Variants in TMEM132C observed in about 807,000 individuals in gnomAD.
TMEM132C encodes the protein protein phosphatase 1, regulatory subunit 152.
TMEM132C carries 29 observed loss-of-function variants against 61.4 expected under a neutral mutation model. The observed-to-expected ratio is 0.47, with a 90% CI of 0.35 to 0.64. TMEM132C has a LOEUF of 0.64. Among genes scored for constraint, TMEM132C ranks in the 30% least tolerant of loss-of-function variants. TMEM132C has a pLI of 0.00. For missense variants in TMEM132C, 1,408 were observed against 1,476.9 expected (o/e 0.95, Z 0.76); for synonymous variants, 656 against 633.1 (o/e 1.04, Z -0.54).
chr12:128,669,232 T>G (rs1282700918), intron 4 of TMEM132C, among the ~76,000 whole-genome samples, 185 bp from the exon 5 acceptor site: 3 of 152,242 alleles, frequency 2.0e-5, no homozygotes, highest in Non-Finnish European at 4.4e-5. Context: ...TAAACATTCT[T>G]GGTAAATTGT....
At position 128,553,950 on chromosome 12, in the gene TMEM132C, C is replaced by CCT. The variant is rs529644851; in HGVS notation, c.1121+9847_1121+9848insCT. On this transcript the variant is annotated intron_variant, in intron 3 of 8. Coordinates refer to ENST00000435159, the MANE Select transcript of TMEM132C (RefSeq NM_001136103.3). ...CTCCAGTCCCTCCTTGTTGCAGCTC[C>CCT]GGGGGTGTCTGTGCCCAGGACTGGT... Among the ~76,000 whole-genome samples, 38 of 152,254 alleles carry CCT rather than the reference C, an allele frequency of 2.5e-4. No homozygotes were observed. The South Asian group carries it at 5.2e-3, about 21-fold the overall frequency.
At chr12:128,596,984 T>A (rs1875987059) in intron 3 of TMEM132C, among the ~76,000 whole-genome samples, 1 of 152,214 alleles carries the variant, frequency 6.6e-6, no homozygotes, top group African/African-American at 2.4e-5. Flanking sequence ...CCATAATGGC[T>A]TTTCCAAAAC....
At chr12:128,601,452 G>C (rs1014915342) in intron 3 of TMEM132C, among the ~76,000 whole-genome samples, 1 of 152,190 alleles carries the variant, frequency 6.6e-6, no homozygotes, top group African/African-American at 2.4e-5. Flanking sequence ...GCTGCCATGG[G>C]ACTCATGACA....
intron 3 of TMEM132C, among the ~76,000 whole-genome samples, chr12:128,589,062 C>T (rs759491582): frequency 5.3e-5 from 8 of 152,134 alleles, no homozygotes; most frequent in East Asian, 3.9e-4. Context: ...GTATGACCAA[C>T]GACCACAGCC....
chr12:128,631,567 T>A (rs1413514148), intron 4 of TMEM132C, among the ~76,000 whole-genome samples: 2 of 152,238 alleles, frequency 1.3e-5, no homozygotes, highest in African/African-American at 4.8e-5. Flanking sequence ...GTGGAAGATT[T>A]TGAATTCCTG....
chr12:128,383,100 A>T (rs533800239), intron 1 of TMEM132C, among the ~76,000 whole-genome samples: 2 of 147,174 alleles, frequency 1.4e-5, no homozygotes, highest in Non-Finnish European at 3.1e-5. Context: ...ATCTGTGTGT[A>T]CATGTGTATA....
intron 2 of TMEM132C, among the ~76,000 whole-genome samples, chr12:128,535,780 A>G (rs1276263087): frequency 1.3e-5 from 2 of 152,116 alleles, no homozygotes; most frequent in Non-Finnish European, 2.9e-5. Flanking sequence ...AGGCAGGAGA[A>G]TGGCATGAAC....
chr12:128,438,439 A>G (rs567347025), intron 2 of TMEM132C, among the ~76,000 whole-genome samples: 2 of 152,022 alleles, frequency 1.3e-5, no homozygotes, highest in African/African-American at 4.8e-5. Flanking sequence ...CACCTTCCAC[A>G]TGCGTGGAAG....
chr12:128,465,616 G>A (rs1441447488), intron 2 of TMEM132C, among the ~76,000 whole-genome samples: 1 of 152,212 alleles, frequency 6.6e-6, no homozygotes, highest in Non-Finnish European at 1.5e-5. Context: ...TCCTAGGCAC[G>A]TGGTGAGGGC....
intron 7 of TMEM132C, 106 bp from the exon 8 acceptor site, chr12:128,697,118 A>G: frequency 7.9e-6 from 8 of 1,013,216 alleles, no homozygotes; most frequent in Non-Finnish European, 1.1e-5. Flanking sequence ...TTTGCCCTGT[A>G]TTCTGGACCT....
chr12:128,274,626 A>G (rs1027848871), intron 1 of TMEM132C, among the ~76,000 whole-genome samples: 1 of 152,258 alleles, frequency 6.6e-6, no homozygotes, highest in Non-Finnish European at 1.5e-5. Context: ...TCCTGTAGCT[A>G]TAATTGTCTG....
At chr12:128,581,355 G>A (rs1875328824) in intron 3 of TMEM132C, among the ~76,000 whole-genome samples, 1 of 151,818 alleles carries the variant, frequency 6.6e-6, no homozygotes, top group Non-Finnish European at 1.5e-5. Flanking sequence ...TTGAACAAAT[G>A]TGCAGCATAT....
intron 5 of TMEM132C, among the ~76,000 whole-genome samples, chr12:128,670,610 A>T (rs142530432): frequency 0.011 from 1,721 of 151,606 alleles, 24 homozygotes; most frequent in African/African-American, 0.039. Context: ...GGATTTCTTT[A>T]TTTTTTTAAG....
intron 3 of TMEM132C, among the ~76,000 whole-genome samples, chr12:128,573,981 A>AAGGAAAAC (rs1283035334): frequency 2.6e-5 from 4 of 151,714 alleles, no homozygotes; most frequent in African/African-American, 9.7e-5. Context: ...AGGTTTCCCC[A>AAGGAAAAC]AGGAAAACTG....
chr12:128,295,524 G>A (rs572180791), intron 1 of TMEM132C, among the ~76,000 whole-genome samples: 112 of 149,878 alleles, frequency 7.5e-4, no homozygotes, highest in Admixed American at 2.2e-3. Context: ...TGTCCAGGGC[G>A]TCCTGTCTGT....
At chr12:128,287,517 A>G (rs7304171) in intron 1 of TMEM132C, among the ~76,000 whole-genome samples, 4,153 of 132,358 alleles carry the variant, frequency 0.031, 207 homozygotes, top group African/African-American at 0.1. Flanking sequence ...CTATATCTAT[A>G]TCTATATCTA....
intron 8 of TMEM132C, among the ~76,000 whole-genome samples, chr12:128,702,765 G>A (rs1215234871): frequency 6.6e-6 from 1 of 152,212 alleles, no homozygotes; most frequent in Non-Finnish European, 1.5e-5. Context: ...AGTGCTCAGA[G>A]CGCACACAAG....
At chr12:128,348,757 CTTAT>C (rs1285221310) in intron 1 of TMEM132C, among the ~76,000 whole-genome samples, 2 of 152,174 alleles carry the variant, frequency 1.3e-5, no homozygotes, top group African/African-American at 2.4e-5. Flanking sequence ...AAAGTGTTTA[CTTAT>C]TTATTTCCTA....
chr12:128,616,959 A>G (rs1876821112), intron 4 of TMEM132C, among the ~76,000 whole-genome samples: 1 of 152,226 alleles, frequency 6.6e-6, no homozygotes, highest in African/African-American at 2.4e-5. Context: ...AAATGGATTA[A>G]TCAGGATTAT....
Sources: allele counts gnomAD v4.1 joint callset (sites outside exome capture counted in the v4.1 genomes callset), GRCh38; gene constraint gnomAD v4.1.1; transcripts MANE v1.5; gene names NCBI Gene and HGNC (gene_info 2026-07-23, HGNC 2026-07-21).